HORMAD2: variants seen among roughly 807,000 people sequenced by gnomAD.
HORMAD2 encodes HORMA domain containing 2.
A neutral mutation model predicts 38.8 loss-of-function variants in HORMAD2; 45 were observed. That is an observed-to-expected ratio of 1.16 (90% confidence interval 0.91 to 1.49). The LOEUF (loss-of-function observed/expected upper bound fraction) is 1.49. HORMAD2 is among the 40% of genes most tolerant of loss of function. HORMAD2 has a pLI of 0.00. For missense variants in HORMAD2, 338 were observed against 367.0 expected (o/e 0.92, Z 0.65); for synonymous variants, 126 against 122.8 (o/e 1.03, Z -0.17).
rs1380719856 is a variant in HORMAD2, at chr22:30,120,345, G to A, written c.411-1287G>A. Among the ~76,000 whole-genome samples the A allele has an allele frequency of 3.9e-5, 6 of 152,156 alleles. No homozygotes were observed. In the East Asian group the frequency reaches 1.2e-3, roughly 29 times the overall value. On this transcript the variant is annotated intron_variant, in intron 8 of 10. Coordinates refer to ENST00000336726, the MANE Select transcript of HORMAD2 (RefSeq NM_152510.4). Reference sequence around the variant, plus strand: ...TAAATCCTGGTTGGCAGAATTTTAAGTTGTTCAAAATTGGAAAAGGAGCTA... The same window carrying A: ...TAAATCCTGGTTGGCAGAATTTTAAATTGTTCAAAATTGGAAAAGGAGCTA...
chr22:30,176,456 C>A lies in HORMAD2; in HGVS notation c.*289C>A. The A allele has an allele frequency of 3.4e-6, 1 of 291,984 alleles. No individual in the cohort carries two copies. Among genetic ancestry groups the A allele is most frequent in the Non-Finnish European group, 6.4e-6 (1 of 155,878 alleles). 18.1% of individuals were successfully genotyped at this position (291,984 alleles called of 1,614,324 possible). ...TATATTTGTAAAAGAACCACAGCAG[C>A]TATTTTGGAAAGAAGCTGTTGTTCT... On this transcript the variant is annotated 3_prime_UTR_variant, in exon 11 of 11. Transcript: ENST00000336726.
chr22:30,197,053 G>A, the HORMAD2 span, among the ~76,000 whole-genome samples: 1 of 152,174 alleles, frequency 6.6e-6, no homozygotes, highest in Non-Finnish European at 1.5e-5. Flanking sequence ...CTGCAGCCCA[G>A]CAGCAGCCTC....
chr22:30,186,087 CACTTTAAAATG>C, the HORMAD2 span, among the ~76,000 whole-genome samples: 8 of 152,130 alleles, frequency 5.3e-5, no homozygotes, highest in Middle Eastern at 3.4e-3. Context: ...TTAACTAAAT[CACTTTAAAATG>C]ACTTCCTGCT....
chr22:30,095,927 C>CT (rs2068773736), intron 2 of HORMAD2, among the ~76,000 whole-genome samples: 1 of 152,090 alleles, frequency 6.6e-6, no homozygotes. Context: ...CCCTCTCATG[C>CT]TGTCTTCTAG....
At chr22:30,122,850 C>T (rs1331361676) in intron 10 of HORMAD2, among the ~76,000 whole-genome samples, 1 of 152,146 alleles carries the variant, frequency 6.6e-6, no homozygotes, top group East Asian at 1.9e-4. Flanking sequence ...TAACTCCACA[C>T]CCTTAACTGG....
intron 10 of HORMAD2, among the ~76,000 whole-genome samples, chr22:30,173,390 G>T (rs1311167798): frequency 6.6e-6 from 1 of 152,224 alleles, no homozygotes; most frequent in Admixed American, 6.5e-5. Flanking sequence ...CACTAAAGAA[G>T]TAATGGGAAT....
At chr22:30,201,106 T>C in the HORMAD2 span, among the ~76,000 whole-genome samples, 1 of 152,184 alleles carries the variant, frequency 6.6e-6, no homozygotes, top group Non-Finnish European at 1.5e-5. Flanking sequence ...AGGTGTCAGC[T>C]GGGTTGGCTC....
intron 10 of HORMAD2, among the ~76,000 whole-genome samples, chr22:30,124,084 A>G (rs1265881615): frequency 2.0e-5 from 3 of 152,090 alleles, no homozygotes; most frequent in Non-Finnish European, 2.9e-5. Context: ...CTTCTCAAGC[A>G]TACATTTAGT....
intron 5 of HORMAD2, among the ~76,000 whole-genome samples, chr22:30,108,134 A>G (rs1055991800): frequency 3.3e-5 from 5 of 152,142 alleles, no homozygotes; most frequent in Admixed American, 6.5e-5. Flanking sequence ...AAATAAGTAC[A>G]TATCAGTGTT....
intron 3 of HORMAD2, among the ~76,000 whole-genome samples, chr22:30,101,204 C>G (rs575295552): frequency 6.6e-6 from 1 of 152,100 alleles, no homozygotes; most frequent in Non-Finnish European, 1.5e-5. Flanking sequence ...CAATGATAGA[C>G]TGGATAAAGA....
At chr22:30,180,527 T>C (rs1244581819), downstream of HORMAD2, among the ~76,000 whole-genome samples, 11 of 152,228 alleles carry the variant, frequency 7.2e-5, no homozygotes, top group Admixed American at 3.3e-4. Flanking sequence ...CCTAGGCTGC[T>C]AGATTCAAAA....
chr22:30,122,642 G>A (rs569649816), intron 10 of HORMAD2, among the ~76,000 whole-genome samples: 11 of 152,142 alleles, frequency 7.2e-5, no homozygotes, highest in Non-Finnish European at 1.5e-4. Flanking sequence ...CCGAGTCAGC[G>A]TGAAAACAAA....
intron 10 of HORMAD2, among the ~76,000 whole-genome samples, chr22:30,159,029 C>T (rs1213844839): frequency 1.3e-5 from 2 of 152,178 alleles, no homozygotes; most frequent in Non-Finnish European, 2.9e-5. Context: ...TTTCACATCT[C>T]ATTTTAAAAT....
intron 2 of HORMAD2, among the ~76,000 whole-genome samples, chr22:30,095,216 C>A (rs1020116502): frequency 1.7e-4 from 26 of 152,152 alleles, no homozygotes; most frequent in Admixed American, 1.5e-3. Context: ...GAAAAATAAA[C>A]ACTTAAATCA....
At chr22:30,087,365 A>G (rs1357305274) in intron 1 of HORMAD2, among the ~76,000 whole-genome samples, 1 of 152,200 alleles carries the variant, frequency 6.6e-6, no homozygotes, top group Non-Finnish European at 1.5e-5. Flanking sequence ...AGTTAGAAGA[A>G]CAAGTCAGCA....
At chr22:30,083,935 A>G (rs965062736) in intron 1 of HORMAD2, among the ~76,000 whole-genome samples, 2 of 152,236 alleles carry the variant, frequency 1.3e-5, no homozygotes, top group African/African-American at 4.8e-5. Flanking sequence ...CTGGTAGTAC[A>G]TCATATTAGA....
intron 10 of HORMAD2, among the ~76,000 whole-genome samples, chr22:30,165,666 A>C (rs1268154746): frequency 6.6e-6 from 1 of 152,044 alleles, no homozygotes; most frequent in East Asian, 1.9e-4. Context: ...TTGGGTTTAC[A>C]TATTTGTTTC....
Position 30,176,261 on chromosome 22 carries a change from C to A in HORMAD2, c.*94C>A. The A allele has an allele frequency of 1.1e-6, 1 of 873,910 alleles. No individual in the cohort carries two copies. Among genetic ancestry groups the A allele is most frequent in the Non-Finnish European group, 1.7e-6 (1 of 580,922 alleles). The allele number at this position is 873,910 out of a possible 1,614,324, so 54.1% of individuals were successfully genotyped here. On this transcript the variant is annotated 3_prime_UTR_variant, in exon 11 of 11. Coordinates refer to ENST00000336726, the MANE Select transcript of HORMAD2 (RefSeq NM_152510.4). ...TAGCAGGAAAGTACATTCCTGTTAC[C>A]AAAACCTTTTTCTAAATTTTTTGCT...
chr22:30,085,322 G>A (rs2068552396), intron 1 of HORMAD2, among the ~76,000 whole-genome samples: 2 of 152,168 alleles, frequency 1.3e-5, no homozygotes, highest in Admixed American at 1.3e-4. Context: ...ATTTCTTTTA[G>A]GGGTGATGAA....
Sources: allele counts gnomAD v4.1 joint callset (sites outside exome capture counted in the v4.1 genomes callset), GRCh38; gene constraint gnomAD v4.1.1; transcripts MANE v1.5; gene names NCBI Gene and HGNC (gene_info 2026-07-23, HGNC 2026-07-21).